Variants in PRKAG2 observed in about 807,000 individuals in gnomAD.
PRKAG2 encodes the protein protein kinase AMP-activated non-catalytic subunit gamma 2, also known as 5'-AMP-activated protein kinase subunit gamma-2.
PRKAG2 carries 26 observed loss-of-function variants against 69.6 expected under a neutral mutation model. The ratio of observed to expected loss-of-function variants is 0.37; its 90% CI spans 0.27 to 0.52. The LOEUF (loss-of-function observed/expected upper bound fraction) is 0.52, where lower values mean the gene tolerates loss of function less well. PRKAG2 is among the 20% of genes least tolerant of loss of function. The pLI, the probability that PRKAG2 is intolerant of heterozygous loss-of-function variation, is 0.90. For synonymous variants in PRKAG2, 293 were observed against 285.0 expected (o/e 1.03, Z -0.28); for missense variants, 557 against 740.0 (o/e 0.75, Z 2.87).
chr7:151,745,197 G>A (rs1253034310), intron 3 of PRKAG2, among the ~76,000 whole-genome samples: 1 of 152,276 alleles, frequency 6.6e-6, no homozygotes, highest in South Asian at 2.1e-4. Flanking sequence ...TACCTGCAAA[G>A]CACCCAGTCC....
rs560942154 is a variant in PRKAG2, at chr7:151,587,852, T to C, written c.864+7493A>G. 3.2e-4 allele frequency among the ~76,000 whole-genome samples: 48 copies of C among 152,308 alleles called. 3 individuals carry two copies. In the South Asian group the frequency reaches 9.5e-3, roughly 30 times the overall value. ...AAACTAAGGAAATCTGAAGAAAGCA[T>C]GGACTTTAGCAAATAACCATGTATC... is the stretch of plus-strand genomic sequence containing the variant. On this transcript the variant is annotated intron_variant, in intron 6 of 15. Transcript: ENST00000287878.
At chr7:151,712,140 G>A (rs1279344483) in intron 3 of PRKAG2, among the ~76,000 whole-genome samples, 2 of 152,248 alleles carry the variant, frequency 1.3e-5, no homozygotes, top group Non-Finnish European at 2.9e-5. Flanking sequence ...ATCACGTGGT[G>A]TAACATGACT....
Position 151,780,199 on chromosome 7 carries a change from T to C in PRKAG2, c.466+953A>G, listed in dbSNP as rs1466596856. ...GTAGTGAGGCTGACAGAGACCTGGC[T>C]TCTCGTCCTACAGCCACTGCTGCCT... On this transcript the variant is annotated intron_variant, in intron 3 of 15. Coordinates refer to ENST00000287878, the MANE Select transcript of PRKAG2 (RefSeq NM_016203.4). This position sits in a 1 kb window ranked among gnomAD's most constrained non-coding sequence, Gnocchi z 4.2. 1.3e-5 allele frequency among the ~76,000 whole-genome samples: 2 copies of C among 152,236 alleles called. No homozygotes were observed. Among genetic ancestry groups the C allele is most frequent in the Non-Finnish European group, 2.9e-5 (2 of 68,042 alleles).
At chr7:151,622,495 T>A (rs569695014) in intron 5 of PRKAG2, among the ~76,000 whole-genome samples, 48 of 152,272 alleles carry the variant, frequency 3.2e-4, no homozygotes, top group Admixed American at 2.0e-3. Flanking sequence ...AGATGTCAGG[T>A]AGCAAGCCAG....
chr7:151,861,078 G>C (rs2079908687), intron 1 of PRKAG2, among the ~76,000 whole-genome samples: 1 of 152,196 alleles, frequency 6.6e-6, no homozygotes, highest in Non-Finnish European at 1.5e-5. Context: ...TAAGGGCTCA[G>C]TACCTTCAGC....
chr7:151,587,967 G>A (rs1475364067), intron 6 of PRKAG2, among the ~76,000 whole-genome samples: 1 of 152,074 alleles, frequency 6.6e-6, no homozygotes, highest in African/African-American at 2.4e-5. Context: ...TAAATTCTCT[G>A]CACTAGCTTT....
At chr7:151,867,115 C>T (rs993182064) in intron 1 of PRKAG2, among the ~76,000 whole-genome samples, 8 of 152,192 alleles carry the variant, frequency 5.3e-5, no homozygotes, top group South Asian at 2.1e-4. Context: ...GGCAGTGGGA[C>T]GCTGGGACCC....
At chr7:151,669,210 T>A (rs1403617510) in intron 4 of PRKAG2, among the ~76,000 whole-genome samples, 1 of 152,228 alleles carries the variant, frequency 6.6e-6, no homozygotes, top group Non-Finnish European at 1.5e-5. Flanking sequence ...CCTCCATTCT[T>A]CTAGCTACAG....
intron 4 of PRKAG2, among the ~76,000 whole-genome samples, chr7:151,670,108 C>T (rs1346386379): frequency 2.9e-5 from 4 of 140,280 alleles, no homozygotes; most frequent in Admixed American, 2.8e-4. Context: ...GCACATACAC[C>T]TGCATGCACA....
rs765169664 is a variant in PRKAG2, at chr7:151,781,969, A to G, written c.187-538T>C. Among the ~76,000 whole-genome samples, 2 of 152,110 alleles carry G rather than the reference A, an allele frequency of 1.3e-5. No individual in the cohort carries two copies. Among genetic ancestry groups the G allele is most frequent in the Non-Finnish European group, 2.9e-5 (2 of 68,020 alleles). ...AAGACTGAGGTTGCCAACAGAAGTC[A>G]GGAGAAAAGTTCACAAAGCCAGCCG... is the stretch of plus-strand genomic sequence containing the variant. On this transcript the variant is annotated intron_variant, in intron 2 of 15. Coordinates refer to ENST00000287878, the MANE Select transcript of PRKAG2 (RefSeq NM_016203.4). The surrounding 1 kb of genome is among the most constrained non-coding windows in gnomAD (Gnocchi z 6.1).
chr7:151,873,935 T>C (rs555231661), intron 1 of PRKAG2, among the ~76,000 whole-genome samples: 159 of 152,106 alleles, frequency 1.0e-3, no homozygotes, highest in African/African-American at 3.4e-3. Flanking sequence ...CTATATATTT[T>C]TTTAAAAAAC....
chr7:151,853,816 T>C (rs1563755361), intron 1 of PRKAG2, among the ~76,000 whole-genome samples: 1 of 150,850 alleles, frequency 6.6e-6, no homozygotes, highest in Non-Finnish European at 1.5e-5. Context: ...TAACCTAATA[T>C]TATCACCTGC....
At chr7:151,646,483 G>A (rs1243407821) in intron 4 of PRKAG2, among the ~76,000 whole-genome samples, 1 of 152,058 alleles carries the variant, frequency 6.6e-6, no homozygotes, top group East Asian at 1.9e-4. Context: ...ATTGTTTGCT[G>A]TTAGCATATA....
intron 3 of PRKAG2, among the ~76,000 whole-genome samples, chr7:151,697,561 C>A (rs993490829): frequency 6.6e-6 from 1 of 152,150 alleles, no homozygotes; most frequent in African/African-American, 2.4e-5. Context: ...GCTGGGTACA[C>A]AATGATGCCC....
chr7:151,768,494 C>G (rs1464896750), intron 3 of PRKAG2, among the ~76,000 whole-genome samples: 1 of 151,962 alleles, frequency 6.6e-6, no homozygotes, highest in Non-Finnish European at 1.5e-5. Flanking sequence ...GAGATAGAGT[C>G]TCACTCTATT....
intron 1 of PRKAG2, among the ~76,000 whole-genome samples, chr7:151,863,909 A>G (rs1392079600): frequency 6.6e-6 from 1 of 152,052 alleles, no homozygotes; most frequent in Non-Finnish European, 1.5e-5. Flanking sequence ...GTCTCAAAAA[A>G]AAAAAAAAGG....
chr7:151,857,399 C>CAA (rs71198737), intron 1 of PRKAG2, among the ~76,000 whole-genome samples: 35,435 of 122,734 alleles, frequency 0.29, 6,163 homozygotes, highest in East Asian at 0.62. Flanking sequence ...CTGGAAGTAC[C>CAA]AAAAAAAAAA....
chr7:151,688,597 TC>T (rs1048067980), intron 3 of PRKAG2, among the ~76,000 whole-genome samples: 3 of 152,138 alleles, frequency 2.0e-5, no homozygotes, highest in Non-Finnish European at 4.4e-5. Flanking sequence ...CGCGGCGGGC[TC>T]CCCCACTGTG....
chr7:151,593,982 C>T (rs1376395657), intron 6 of PRKAG2, among the ~76,000 whole-genome samples: 1 of 152,204 alleles, frequency 6.6e-6, no homozygotes, highest in Admixed American at 6.5e-5. Flanking sequence ...CCCGGGGAGC[C>T]CTCTGAGGAC....
Sources: allele counts gnomAD v4.1 joint callset (sites outside exome capture counted in the v4.1 genomes callset), GRCh38; gene constraint gnomAD v4.1.1; non-coding constraint Gnocchi (gnomAD v3.1); transcripts MANE v1.5; gene names NCBI Gene and HGNC (gene_info 2026-07-23, HGNC 2026-07-21).